OTULINL: variants seen among roughly 807,000 people sequenced by gnomAD.
OTULINL encodes inactive ubiquitin thioesterase OTULINL.
Under a neutral mutation model 43.9 loss-of-function variants are expected in OTULINL, and 42 were observed. The observed-to-expected ratio is 0.96, with a 90% CI of 0.75 to 1.24. The LOEUF (loss-of-function observed/expected upper bound fraction) is 1.24. Among genes scored for constraint, OTULINL ranks in the 50% most tolerant of loss-of-function variants. The probability of loss-of-function intolerance (pLI) is 0.00; values close to 1 mark genes in which losing one functional copy is unlikely to be tolerated. For missense variants in OTULINL, 411 were observed against 426.4 expected, an observed-to-expected ratio of 0.96 and a Z score of 0.32; for synonymous variants, 172 against 153.6, an observed-to-expected ratio of 1.12 and a Z score of -0.88.
At chr5:14,596,123 A>AAGTC (rs1314798199) in intron 1 of OTULINL, among the ~76,000 whole-genome samples, 2 of 152,096 alleles carry the variant, frequency 1.3e-5, no homozygotes, top group Non-Finnish European at 2.9e-5. Context: ...ACTGTCCTGG[A>AAGTC]AGTCCCCTTG....
At chr5:14,606,348 G>C (rs912235905) in intron 5 of OTULINL, among the ~76,000 whole-genome samples, 1 of 152,120 alleles carries the variant, frequency 6.6e-6, no homozygotes, top group Non-Finnish European at 1.5e-5. Context: ...CACAACACAT[G>C]GGAATTCAAG....
At chr5:14,584,107 A>C (rs373228940) in intron 1 of OTULINL, among the ~76,000 whole-genome samples, 1 of 152,234 alleles carries the variant, frequency 6.6e-6, no homozygotes, top group Non-Finnish European at 1.5e-5. Flanking sequence ...AAGTGGTCAT[A>C]GAGTGGAATA....
At position 14,581,876 on chromosome 5, in the gene OTULINL, C is replaced by G. The variant is rs750849546; in HGVS notation, c.-19C>G. The G allele has an allele frequency of 2.1e-6, 3 of 1,406,358 alleles. No homozygotes were observed. Among genetic ancestry groups the G allele is most frequent in the Non-Finnish European group, 1.9e-6 (2 of 1,080,350 alleles). The allele number at this position is 1,406,358 out of a possible 1,614,324, so 87.1% of individuals were successfully genotyped here. A position where few individuals can be genotyped will look rare whatever the true frequency, so the allele number is the denominator to read the frequency against. ...AGACCACGGGCCGAGGCCCAGCGCC[C>G]GTCCGCAGCGCGGCCGGCATGGCGG... On this transcript the variant is annotated 5_prime_UTR_variant, in exon 1 of 8. Coordinates refer to ENST00000274217, the MANE Select transcript of OTULINL (RefSeq NM_019018.3).
intron 6 of OTULINL, 35 bp downstream of exon 6, chr5:14,607,493 A>G (rs1560967814): frequency 6.2e-7 from 1 of 1,611,168 alleles, no homozygotes; most frequent in Non-Finnish European, 8.5e-7. Flanking sequence ...AAGACTAGGA[A>G]TAAAAGCACA....
At chr5:14,608,378 C>A (rs1338933666) in intron 6 of OTULINL, among the ~76,000 whole-genome samples, 1 of 152,152 alleles carries the variant, frequency 6.6e-6, no homozygotes, top group African/African-American at 2.4e-5. Context: ...CAGCTGTCTT[C>A]TTGGTGTGTC....
At chr5:14,610,018 A>C in intron 7 of OTULINL, 123 bp from the exon 8 acceptor site, 1 of 733,098 alleles carries the variant, frequency 1.4e-6, no homozygotes, top group Non-Finnish European at 2.3e-6. Flanking sequence ...TCAGTGGTGT[A>C]TGGGTGGGTC....
intron 5 of OTULINL, among the ~76,000 whole-genome samples, 178 bp downstream of exon 5, chr5:14,602,510 A>T (rs1386071289): frequency 6.6e-6 from 1 of 152,176 alleles, no homozygotes; most frequent in East Asian, 1.9e-4. Context: ...ATCATGGCTC[A>T]ATGCAGCCTT....
At position 14,615,050 on chromosome 5, in the gene OTULINL, C is replaced by A; in HGVS notation, c.*4736C>A. On this transcript the variant is annotated 3_prime_UTR_variant, in exon 8 of 8. Transcript: ENST00000274217. Reference sequence around the variant, plus strand: ...ATGGGCTGTAAAACCCATTTCCACACGAGTATAAATTTAAAACAGAAACAT... The same window carrying A: ...ATGGGCTGTAAAACCCATTTCCACAAGAGTATAAATTTAAAACAGAAACAT... The A allele has an allele frequency of 3.5e-6, 1 of 281,758 alleles. No homozygotes were observed. The highest frequency in any genetic ancestry group is 6.5e-6 in the Non-Finnish European group (1 of 152,812). The allele number at this position is 281,758 out of a possible 1,614,324, so 17.5% of individuals were successfully genotyped here.
In OTULINL at chr5:14,612,910, A is replaced by G. The variant is rs977465576; in HGVS notation, c.*2596A>G. Among the ~76,000 whole-genome samples the G allele has an allele frequency of 2.2e-5, 3 of 133,426 alleles. No homozygotes were observed. Among genetic ancestry groups the G allele is most frequent in the Non-Finnish European group, 3.2e-5 (2 of 63,082 alleles). The allele number at this position is 133,426 out of a possible 152,430, so 87.5% of individuals were successfully genotyped here. On this transcript the variant is annotated 3_prime_UTR_variant, in exon 8 of 8. Transcript: ENST00000274217. Reference sequence around the variant, plus strand: ...TACTGTGGTAAAATACACATAACATATAGTTTATATTTTAACAATTTTTTT... The same window carrying G: ...TACTGTGGTAAAATACACATAACATGTAGTTTATATTTTAACAATTTTTTT...
chr5:14,584,723 C>T (rs2126767860), intron 1 of OTULINL, among the ~76,000 whole-genome samples: 1 of 152,334 alleles, frequency 6.6e-6, no homozygotes, highest in Middle Eastern at 3.4e-3. Context: ...AAGTCACACA[C>T]AAACTTGTAC....
At position 14,612,102 on chromosome 5, in the gene OTULINL, GT is replaced by G. The variant is rs2126788848; in HGVS notation, c.*1792del. 6.6e-6 allele frequency: 1 copy of G among 152,308 alleles called. No homozygotes were observed. Among genetic ancestry groups the G allele is most frequent in the South Asian group, 2.1e-4 (1 of 4,828 alleles). 9.4% of individuals were successfully genotyped at this position (152,308 alleles called of 1,614,324 possible). ...CCCTGCCTGTTTGGAAACATCTATG[GT>G]TTTGTATAACCCCTGTCATTTAACT... On this transcript the variant is annotated 3_prime_UTR_variant, in exon 8 of 8. Coordinates refer to ENST00000274217, the MANE Select transcript of OTULINL (RefSeq NM_019018.3).
At chr5:14,606,621 C>G (rs960132167) in intron 5 of OTULINL, among the ~76,000 whole-genome samples, 1 of 152,104 alleles carries the variant, frequency 6.6e-6, no homozygotes, top group Non-Finnish European at 1.5e-5. Flanking sequence ...TAATCCATGC[C>G]GGTTAAGTAA....
At position 14,598,897 on chromosome 5, in the gene OTULINL, A is replaced by G. The variant is rs115711649; in HGVS notation, c.65-2068A>G. Among the ~76,000 whole-genome samples, 207 of 152,222 alleles carry G rather than the reference A, an allele frequency of 1.4e-3. 1 individual carries two copies. Among genetic ancestry groups the G allele is most frequent in the African/African-American group, 4.5e-3 (186 of 41,452 alleles). On this transcript the variant is annotated intron_variant, in intron 1 of 7. Coordinates refer to ENST00000274217, the MANE Select transcript of OTULINL (RefSeq NM_019018.3). Reference sequence around the variant, plus strand: ...AAAACATTTGTACCTACAGTAAAAGAAAGTATGTATCACCTGTGTAAAATT... The same window carrying G: ...AAAACATTTGTACCTACAGTAAAAGGAAGTATGTATCACCTGTGTAAAATT...
chr5:14,601,802 T>A (rs1455403237), intron 4 of OTULINL, among the ~76,000 whole-genome samples: 2 of 152,228 alleles, frequency 1.3e-5, no homozygotes, highest in Non-Finnish European at 2.9e-5. Flanking sequence ...TTTTTAGAAT[T>A]TTTATTGGAC....
intron 5 of OTULINL, 137 bp downstream of exon 5, chr5:14,602,469 A>C: frequency 4.1e-6 from 3 of 722,956 alleles, no homozygotes; most frequent in Non-Finnish European, 6.7e-6. Context: ...ACAAGATCTC[A>C]CTGTCACCCA....
intron 5 of OTULINL, 87 bp downstream of exon 5, chr5:14,602,419 GATGACC>G: frequency 7.8e-7 from 1 of 1,278,354 alleles, no homozygotes; most frequent in Non-Finnish European, 1.1e-6. Context: ...TTTGTACTCA[GATGACC>G]ATGAGATTGA....
intron 1 of OTULINL, among the ~76,000 whole-genome samples, chr5:14,586,655 C>T (rs1759105171): frequency 6.6e-6 from 1 of 152,148 alleles, no homozygotes; most frequent in South Asian, 2.1e-4. Context: ...CTCCTCTTGC[C>T]ATATTATTGG....
At chr5:14,600,932 C>CTTTTTTTTTTTTTTTTTTTTTTT (rs5866109) in intron 1 of OTULINL, 33 bp from the exon 2 acceptor site, 1 of 1,085,964 alleles carries the variant, frequency 9.2e-7, no homozygotes, top group Non-Finnish European at 1.2e-6. Flanking sequence ...TTGTGATGTG[C>CTTTTTTTTTTTTTTTTTTTTTTT]TTTTTTTTTT....
chr5:14,600,422 C>T (rs1759364805), intron 1 of OTULINL, among the ~76,000 whole-genome samples: 3 of 152,214 alleles, frequency 2.0e-5, no homozygotes, highest in African/African-American at 7.2e-5. Flanking sequence ...TCTCTGGAGG[C>T]ATCGCTAGAC....
Sources: allele counts gnomAD v4.1 joint callset (sites outside exome capture counted in the v4.1 genomes callset), GRCh38; gene constraint gnomAD v4.1.1; transcripts MANE v1.5; gene names NCBI Gene and HGNC (gene_info 2026-07-23, HGNC 2026-07-21).